ZC4H2: variants seen among roughly 807,000 people sequenced by gnomAD.
ZC4H2 encodes zinc finger C4H2 domain-containing protein.
For missense variants in ZC4H2, 137 were observed against 173.9 expected (o/e 0.79, Z 1.19); for synonymous variants, 84 against 66.3 (o/e 1.27, Z -1.30).
At chrX:64,926,921 C>T (rs1411884167) in intron 1 of ZC4H2, among the ~76,000 whole-genome samples, 1 of 111,298 alleles carries the variant, frequency 9.0e-6, no homozygotes, top group Non-Finnish European at 1.9e-5. Flanking sequence ...AGGCCTAGGA[C>T]CAATCCCCTA....
chrX:64,995,312 T>A (rs1182219232), intron 1 of ZC4H2, among the ~76,000 whole-genome samples: 3 of 111,184 alleles, frequency 2.7e-5, no homozygotes, highest in African/African-American at 6.5e-5. Context: ...TGGTAGGATA[T>A]CTTGTGATGT....
intron 1 of ZC4H2, among the ~76,000 whole-genome samples, chrX:65,017,056 G>A (rs148943945): frequency 9.0e-6 from 1 of 111,659 alleles, no homozygotes; most frequent in Non-Finnish European, 1.9e-5. Context: ...GAAAATAGTA[G>A]GAAAACATGT....
At chrX:64,949,858 T>C (rs899068110) in intron 1 of ZC4H2, among the ~76,000 whole-genome samples, 6 of 111,780 alleles carry the variant, frequency 5.4e-5, no homozygotes, top group Admixed American at 9.5e-5. Context: ...TCAGTTCTGC[T>C]CTGATCTTAG....
chrX:64,942,936 C>T (rs1000766683), intron 1 of ZC4H2, among the ~76,000 whole-genome samples: 4 of 112,073 alleles, frequency 3.6e-5, no homozygotes, highest in African/African-American at 1.3e-4. Flanking sequence ...CTAATTTACA[C>T]TCCCACCAAC....
intron 1 of ZC4H2, among the ~76,000 whole-genome samples, chrX:65,015,125 T>C (rs1333095749): frequency 9.0e-6 from 1 of 111,604 alleles, no homozygotes; most frequent in Non-Finnish European, 1.9e-5. Flanking sequence ...TAAAAATTCC[T>C]TTTCATATCA....
chrX:65,030,960 T>C (rs776786032), intron 1 of ZC4H2, among the ~76,000 whole-genome samples: 1 of 111,534 alleles, frequency 9.0e-6, no homozygotes. Flanking sequence ...GTGCTCCTTG[T>C]TTATAAATTC....
At chrX:64,925,498 T>A (rs1335569094) in intron 1 of ZC4H2, among the ~76,000 whole-genome samples, 1 of 112,135 alleles carries the variant, frequency 8.9e-6, no homozygotes, top group Non-Finnish European at 1.9e-5. Context: ...CTTCCCAATT[T>A]GTAATTAATT....
intron 2 of ZC4H2, among the ~76,000 whole-genome samples, chrX:64,920,851 C>A (rs1279158506): frequency 8.9e-6 from 1 of 112,374 alleles, no homozygotes; most frequent in East Asian, 2.8e-4. Flanking sequence ...GGGGTGGAGT[C>A]TAGCAATATG....
At position 65,018,369 on chromosome X, in the gene ZC4H2, C is replaced by G. The variant is rs183722602; in HGVS notation, c.-272+16260G>C. On this transcript the variant is annotated intron_variant, in intron 1 of 4. Transcript: ENST00000337990. ...GTGACTGGTTGGACAGTGGGTGCAG[C>G]CCATGGAGGGCAGGACGAAGCAGAG... Among the ~76,000 whole-genome samples the G allele has an allele frequency of 2.3e-4, 26 of 112,308 alleles. No homozygotes were observed. In the East Asian group the frequency reaches 7.0e-3, roughly 30 times the overall value.
chrX:65,006,601 C>T (rs1354585114), intron 1 of ZC4H2, among the ~76,000 whole-genome samples: 1 of 110,000 alleles, frequency 9.1e-6, no homozygotes, highest in African/African-American at 3.3e-5. Flanking sequence ...GGAGATATAC[C>T]TAATGTAAAT....
intron 1 of ZC4H2, among the ~76,000 whole-genome samples, chrX:64,950,614 G>C (rs890779445): frequency 1.2e-4 from 13 of 110,308 alleles, no homozygotes; most frequent in African/African-American, 4.3e-4. Context: ...GACCTTCTTT[G>C]TCTCTTTTGA....
intron 1 of ZC4H2, among the ~76,000 whole-genome samples, chrX:65,016,611 T>G (rs1318397676): frequency 3.6e-5 from 4 of 111,674 alleles, no homozygotes; most frequent in Non-Finnish European, 7.5e-5. Context: ...TTGTTGGTTT[T>G]GGCTAGAATA....
At chrX:64,939,597 G>C (rs1368485783) in intron 1 of ZC4H2, among the ~76,000 whole-genome samples, 1 of 111,448 alleles carries the variant, frequency 9.0e-6, no homozygotes, top group Non-Finnish European at 1.9e-5. Flanking sequence ...CAGATACATA[G>C]AACAGAACAG....
chrX:64,988,476 T>C (rs1932238857), intron 1 of ZC4H2, among the ~76,000 whole-genome samples: 1 of 112,148 alleles, frequency 8.9e-6, no homozygotes, highest in African/African-American at 3.2e-5. Flanking sequence ...TGCATTTCTC[T>C]GATGGCCAGT....
intron 1 of ZC4H2, among the ~76,000 whole-genome samples, chrX:64,974,324 T>C (rs1931874208): frequency 8.9e-6 from 1 of 112,299 alleles, no homozygotes; most frequent in African/African-American, 3.2e-5. Flanking sequence ...TTCTACATTA[T>C]CATTTGTTTC....
intron 1 of ZC4H2, among the ~76,000 whole-genome samples, chrX:64,999,047 T>G (rs1029050794): frequency 1.1e-5 from 1 of 94,697 alleles, no homozygotes; most frequent in South Asian, 5.5e-4. Context: ...GTGTTTTTTT[T>G]TTTTTTTTTT....
intron 1 of ZC4H2, among the ~76,000 whole-genome samples, chrX:64,971,277 G>A (rs1477378277): frequency 8.9e-6 from 1 of 111,993 alleles, no homozygotes; most frequent in Non-Finnish European, 1.9e-5. Context: ...CAATGTGGAT[G>A]CCATTGCAGA....
At chrX:64,978,743 A>T (rs973161104), upstream of ZC4H2, among the ~76,000 whole-genome samples, 20 of 110,884 alleles carry the variant, frequency 1.8e-4, no homozygotes, top group African/African-American at 6.3e-4. Context: ...CTGGAAAAAA[A>T]AAATATATAT....
At chrX:64,939,612 C>T (rs937123347) in intron 1 of ZC4H2, among the ~76,000 whole-genome samples, 1 of 111,190 alleles carries the variant, frequency 9.0e-6, no homozygotes, top group Non-Finnish European at 1.9e-5. Context: ...GAACAGAGGC[C>T]TCGGAAATAA....
Sources: allele counts gnomAD v4.1 joint callset (sites outside exome capture counted in the v4.1 genomes callset), GRCh38; gene constraint gnomAD v4.1.1; transcripts MANE v1.5; gene names NCBI Gene and HGNC (gene_info 2026-07-23, HGNC 2026-07-21).